The following NR1H4 variants were observed in gnomAD, a reference collection of about 807,000 sequenced individuals.
NR1H4 encodes the protein nuclear receptor subfamily 1 group H member 4, also known as bile acid receptor.
In NR1H4, 23 loss-of-function variants were observed where a neutral mutation model predicts 58.5. That is an observed-to-expected ratio of 0.39 (90% CI 0.28 to 0.56). NR1H4 has a LOEUF of 0.56. Among genes scored for constraint, NR1H4 ranks in the 20% least tolerant of loss-of-function variants. The probability of loss-of-function intolerance (pLI) is 0.58; values close to 1 mark genes in which losing one functional copy is unlikely to be tolerated. For synonymous variants in NR1H4, 214 were observed against 198.0 expected (o/e 1.08, Z -0.68); for missense variants, 487 against 576.9 (o/e 0.84, Z 1.60).
intron 5 of NR1H4, among the ~76,000 whole-genome samples, chr12:100,532,854 C>A (rs968891899): frequency 1.3e-5 from 2 of 152,152 alleles, no homozygotes; most frequent in African/African-American, 4.8e-5. Context: ...ACATGGAGCC[C>A]AGTGGCATTA....
chr12:100,536,683 A>G, intron 7 of NR1H4, 73 bp downstream of exon 7: 1 of 845,676 alleles, frequency 1.2e-6, no homozygotes, highest in South Asian at 1.4e-5. Flanking sequence ...TTGGAGGTAT[A>G]ATTTATATGT....
intron 4 of NR1H4, among the ~76,000 whole-genome samples, chr12:100,513,118 C>T (rs543135570): frequency 5.3e-5 from 8 of 152,210 alleles, no homozygotes; most frequent in South Asian, 2.1e-4. Context: ...TGGAGAGTCA[C>T]GTCTGAATAG....
Position 100,493,353 on chromosome 12 carries a change from T to G in NR1H4, c.30T>G (p.His10Gln). The G allele has an allele frequency of 1.9e-6, 3 of 1,579,976 alleles. No individual in the cohort carries two copies. Among genetic ancestry groups the G allele is most frequent in the Non-Finnish European group, 2.6e-6 (3 of 1,153,448 alleles). The change falls in exon 3 of 11, where the codon CAT (histidine) becomes CAG (glutamine). Residue 10 changes from histidine to glutamine, a missense_variant. His to Gln is a conservative substitution (Grantham distance 24). Coordinates refer to ENST00000392986, the MANE Select transcript of NR1H4 (RefSeq NM_001206979.2). MGSKMNLIE[H>Q]SHLPTTDEFS... ...GATCAAAAATGAATCTCATTGAACA[T>G]TCCCATTTACCTACCACAGATGAAT...
At chr12:100,507,430 G>GT (rs886859763) in intron 3 of NR1H4, among the ~76,000 whole-genome samples, 7 of 151,484 alleles carry the variant, frequency 4.6e-5, no homozygotes, top group Admixed American at 2.6e-4. Flanking sequence ...AGACATACTC[G>GT]TTTTTTTGTT....
chr12:100,501,096 G>A (rs766423623), intron 3 of NR1H4, among the ~76,000 whole-genome samples: 4 of 151,762 alleles, frequency 2.6e-5, no homozygotes, highest in East Asian at 3.9e-4. Context: ...TCAGCAACAA[G>A]GGTTTCCTGG....
intron 1 of NR1H4, among the ~76,000 whole-genome samples, chr12:100,485,669 A>G (rs889232963): frequency 1.3e-5 from 2 of 151,848 alleles, no homozygotes; most frequent in East Asian, 1.9e-4. Flanking sequence ...AGTAGCTGGG[A>G]TTACAGGCAT....
chr12:100,527,812 C>T (rs912307442), intron 4 of NR1H4, among the ~76,000 whole-genome samples: 1 of 151,998 alleles, frequency 6.6e-6, no homozygotes, highest in Non-Finnish European at 1.5e-5. Context: ...CATGTCCCTA[C>T]AAAGGACATG....
chr12:100,554,780 G>A (rs1415004903), intron 9 of NR1H4, among the ~76,000 whole-genome samples: 5 of 152,170 alleles, frequency 3.3e-5, no homozygotes, highest in Admixed American at 6.5e-5. Context: ...GAAGAAGGAA[G>A]CAGGAAAACA....
chr12:100,482,138 A>C (rs1953396075), intron 1 of NR1H4, among the ~76,000 whole-genome samples: 1 of 152,058 alleles, frequency 6.6e-6, no homozygotes, highest in Non-Finnish European at 1.5e-5. Flanking sequence ...CCTGAAACAA[A>C]ACAAAACAAT....
intron 8 of NR1H4, among the ~76,000 whole-genome samples, chr12:100,538,043 G>T (rs1173446934): frequency 6.6e-6 from 1 of 152,238 alleles, no homozygotes; most frequent in East Asian, 1.9e-4. Flanking sequence ...ACTGAGGCAT[G>T]AACAAGAATA....
chr12:100,536,387 C>G (rs535274279), intron 6 of NR1H4, 125 bp from the exon 7 acceptor site: 1 of 658,340 alleles, frequency 1.5e-6, no homozygotes. Flanking sequence ...CTCATAGTTC[C>G]TGCTGTATTT....
At chr12:100,544,253 C>CA (rs943465011) in intron 9 of NR1H4, among the ~76,000 whole-genome samples, 12,403 of 64,496 alleles carry the variant, frequency 0.19, 1,642 homozygotes, top group East Asian at 0.46. Context: ...CTCGGTCTCA[C>CA]AAAAAAAAAA....
At chr12:100,549,032 A>G (rs1593126502) in intron 9 of NR1H4, among the ~76,000 whole-genome samples, 1 of 151,872 alleles carries the variant, frequency 6.6e-6, no homozygotes, top group Non-Finnish European at 1.5e-5. Context: ...ATGGCTCCCC[A>G]CCATTTTGGT....
chr12:100,517,697 T>C (rs886212983), intron 4 of NR1H4, among the ~76,000 whole-genome samples: 10 of 152,238 alleles, frequency 6.6e-5, no homozygotes, highest in African/African-American at 1.9e-4. Flanking sequence ...CTTGTTATCT[T>C]TTGATTTATT....
chr12:100,505,203 C>T (rs908872020), intron 3 of NR1H4, among the ~76,000 whole-genome samples: 7 of 152,238 alleles, frequency 4.6e-5, no homozygotes, highest in African/African-American at 1.7e-4. Flanking sequence ...TGGATATAAA[C>T]TGGACCCTTT....
intron 9 of NR1H4, among the ~76,000 whole-genome samples, chr12:100,547,807 G>T (rs1007691574): frequency 5.9e-5 from 9 of 151,534 alleles, no homozygotes; most frequent in Non-Finnish European, 1.3e-4. Context: ...TGCAACCTCC[G>T]CCTCCTGGGT....
At chr12:100,552,832 C>A (rs1462274123) in intron 9 of NR1H4, among the ~76,000 whole-genome samples, 1 of 151,962 alleles carries the variant, frequency 6.6e-6, no homozygotes, top group African/African-American at 2.4e-5. Flanking sequence ...GGCAGGAGAA[C>A]TGCTTGAGCC....
At chr12:100,493,609 T>C (rs1439722733) in intron 3 of NR1H4, among the ~76,000 whole-genome samples, 1 of 152,186 alleles carries the variant, frequency 6.6e-6, no homozygotes, top group Non-Finnish European at 1.5e-5. Flanking sequence ...TTTTTATAGA[T>C]GAGGACTGCA....
intron 9 of NR1H4, among the ~76,000 whole-genome samples, chr12:100,557,492 C>T (rs35733): frequency 0.37 from 56,074 of 152,140 alleles, 13,307 homozygotes; most frequent in Non-Finnish European, 0.55. Flanking sequence ...AACTATTTCA[C>T]ATGGATATAT....
Sources: gnomAD v4.1 joint callset for allele counts (sites outside exome capture counted in the v4.1 genomes callset) on GRCh38, gnomAD v4.1.1 for gene constraint, MANE v1.5 for transcripts, NCBI Gene and HGNC (gene_info 2026-07-23, HGNC 2026-07-21) for gene names.